The following CEP128 variants were observed in gnomAD, a reference collection of about 807,000 sequenced individuals.
CEP128 encodes centrosomal protein 128.
A neutral mutation model predicts 156.7 loss-of-function variants in CEP128; 132 were observed. The ratio of observed to expected loss-of-function variants is 0.84; its 90% CI spans 0.73 to 0.97. The LOEUF is 0.97. CEP128 is among the 50% of genes least tolerant of loss of function. CEP128 has a pLI of 0.00. For missense variants in CEP128, 1,252 were observed against 1,281.9 expected (o/e 0.98, Z 0.36); for synonymous variants, 469 against 448.9 (o/e 1.04, Z -0.57).
At chr14:80,626,396 G>A (rs1424392842) in intron 19 of CEP128, among the ~76,000 whole-genome samples, 7 of 149,784 alleles carry the variant, frequency 4.7e-5, no homozygotes, top group South Asian at 4.3e-4. Context: ...CCCGGGAAGC[G>A]GAGCTTGCAG....
At chr14:80,868,938 A>G (rs1887901545) in intron 8 of CEP128, among the ~76,000 whole-genome samples, 1 of 152,162 alleles carries the variant, frequency 6.6e-6, no homozygotes, top group South Asian at 2.1e-4. Context: ...TCAATTCATC[A>G]AGAGGATATA....
rs138113126 is a variant in CEP128 at position 80,687,928 on chromosome 14, C to T, written c.2806+55147G>A. On this transcript the variant is annotated intron_variant, in intron 19 of 24. Coordinates refer to ENST00000555265, the MANE Select transcript of CEP128 (RefSeq NM_152446.5). ...AGGTGCCAAAAATAAAATATATAGT[C>T]TGGGAATTAATAACAATTTTTATCC... 2.0e-3 allele frequency among the ~76,000 whole-genome samples: 311 copies of T among 152,178 alleles called. 2 individuals carry two copies. Among genetic ancestry groups the T allele is most frequent in the Non-Finnish European group, 4.0e-3 (271 of 67,996 alleles).
intron 8 of CEP128, among the ~76,000 whole-genome samples, chr14:80,874,463 C>CT (rs1888180566): frequency 6.8e-6 from 1 of 148,120 alleles, no homozygotes; most frequent in Non-Finnish European, 1.5e-5. Flanking sequence ...GACTCTGTCT[C>CT]TGTCTCCAAA....
chr14:80,542,756 C>T (rs988068427), intron 21 of CEP128, among the ~76,000 whole-genome samples: 4 of 152,136 alleles, frequency 2.6e-5, no homozygotes, highest in Non-Finnish European at 5.9e-5. Flanking sequence ...CCTCAAGACA[C>T]CCTCAAGTAG....
At chr14:80,803,353 G>A (rs1470384669) in intron 13 of CEP128, among the ~76,000 whole-genome samples, 2 of 78,236 alleles carry the variant, frequency 2.6e-5, no homozygotes, top group African/African-American at 1.1e-4. Flanking sequence ...ACAGCCCTAT[G>A]TTAAAAAAAA....
chr14:80,954,062 G>A (rs912628292), intron 2 of CEP128, among the ~76,000 whole-genome samples: 5 of 152,116 alleles, frequency 3.3e-5, no homozygotes, highest in Non-Finnish European at 7.4e-5. Flanking sequence ...GAGGTCAGGA[G>A]ATCGAGACCA....
intron 7 of CEP128, 95 bp downstream of exon 7, chr14:80,899,843 A>T: frequency 3.3e-6 from 3 of 897,422 alleles, no homozygotes; most frequent in Non-Finnish European, 5.3e-6. Context: ...CAAACACAAC[A>T]TTTTTTAAAA....
At chr14:80,546,062 G>A (rs1889970574) in intron 21 of CEP128, among the ~76,000 whole-genome samples, 2 of 152,288 alleles carry the variant, frequency 1.3e-5, no homozygotes, top group East Asian at 1.9e-4. Context: ...AACACAGAGT[G>A]CTAAGGCACA....
At chr14:80,938,268 A>C (rs1411801917) in intron 2 of CEP128, among the ~76,000 whole-genome samples, 2 of 75,484 alleles carry the variant, frequency 2.6e-5, no homozygotes, top group African/African-American at 4.4e-5. Flanking sequence ...TTTTTTTGAG[A>C]CAGAGTCTTG....
At chr14:80,719,130 A>T (rs1017298144) in intron 19 of CEP128, among the ~76,000 whole-genome samples, 17 of 152,180 alleles carry the variant, frequency 1.1e-4, no homozygotes, top group African/African-American at 4.1e-4. Context: ...ATGACAGTTT[A>T]CAAATGCCAT....
chr14:80,886,444 T>TA (rs1246477472), intron 8 of CEP128, among the ~76,000 whole-genome samples: 11 of 152,182 alleles, frequency 7.2e-5, no homozygotes, highest in Admixed American at 7.2e-4. Flanking sequence ...GCAGAAACCC[T>TA]ACAAGCCAAA....
In CEP128 at chr14:80,686,005, C is replaced by A. The variant is rs1190858638; in HGVS notation, c.2806+57070G>T. Among the ~76,000 whole-genome samples, 5 of 152,116 alleles carry A rather than the reference C, an allele frequency of 3.3e-5. No homozygotes were observed. The East Asian group carries it at 5.8e-4, about 18-fold the overall frequency. On this transcript the variant is annotated intron_variant, in intron 19 of 24. Transcript: ENST00000555265. ...GCATAAAACCTTAAACTATGAGAAT[C>A]CTAGAAGAAAACCTAGGAAACACCA...
At chr14:80,645,097 G>C (rs1212182921) in intron 19 of CEP128, among the ~76,000 whole-genome samples, 1 of 152,018 alleles carries the variant, frequency 6.6e-6, no homozygotes, top group Non-Finnish European at 1.5e-5. Context: ...CAAGTTGAAA[G>C]GTCAAGTAGG....
intron 21 of CEP128, among the ~76,000 whole-genome samples, chr14:80,534,800 G>C (rs1442024803): frequency 7.1e-6 from 1 of 141,316 alleles, no homozygotes; most frequent in Non-Finnish European, 1.5e-5. Flanking sequence ...ACTCCAGCCT[G>C]GGCGACAGAG....
chr14:80,490,377 T>C (rs998299895), downstream of CEP128: 1 of 152,016 alleles, frequency 6.6e-6, no homozygotes, highest in Admixed American at 6.6e-5. Flanking sequence ...GAAGAAAAAA[T>C]GAAATTGCAT....
intron 4 of CEP128, among the ~76,000 whole-genome samples, chr14:80,909,248 G>C (rs1056273124): frequency 1.3e-5 from 2 of 151,818 alleles, no homozygotes; most frequent in African/African-American, 4.8e-5. Context: ...CAGTAGAAGA[G>C]TTGATCTGAA....
intron 9 of CEP128, among the ~76,000 whole-genome samples, chr14:80,853,313 AAAAAG>A (rs1314777542): frequency 2.0e-5 from 3 of 152,042 alleles, no homozygotes; most frequent in African/African-American, 4.8e-5. Flanking sequence ...AAGATAAAAA[AAAAAG>A]AAAAGAATTA....
chr14:80,554,661 T>C (rs983949054), intron 21 of CEP128, among the ~76,000 whole-genome samples: 1 of 152,120 alleles, frequency 6.6e-6, no homozygotes, highest in African/African-American at 2.4e-5. Flanking sequence ...AACACTTTGT[T>C]ATGTGGTTAA....
intron 8 of CEP128, among the ~76,000 whole-genome samples, chr14:80,875,725 T>G (rs540434863): frequency 6.6e-6 from 1 of 152,284 alleles, no homozygotes; most frequent in East Asian, 1.9e-4. Flanking sequence ...AAATAAAAAT[T>G]TCCTTTCTAA....
Sources: gnomAD v4.1 joint callset for allele counts (sites outside exome capture counted in the v4.1 genomes callset) on GRCh38, gnomAD v4.1.1 for gene constraint, MANE v1.5 for transcripts, NCBI Gene and HGNC (gene_info 2026-07-23, HGNC 2026-07-21) for gene names.